The following CD44 variants were observed in gnomAD, a reference collection of about 807,000 sequenced individuals.
The protein encoded by CD44 is CD44 antigen.
Under a neutral mutation model 88.8 loss-of-function variants are expected in CD44, and 49 were observed. The observed-to-expected ratio is 0.55, with a 90% CI of 0.44 to 0.70. The LOEUF is 0.70. Ranked by LOEUF, CD44 falls within the 30% of genes least tolerant of loss-of-function variation. The pLI, the probability that CD44 is intolerant of heterozygous loss-of-function variation, is 0.00. For synonymous variants in CD44, 325 were observed against 312.3 expected (o/e 1.04, Z -0.43); for missense variants, 883 against 913.8 (o/e 0.97, Z 0.43).
At chr11:35,152,639 C>T (rs1860563814) in intron 1 of CD44, among the ~76,000 whole-genome samples, 1 of 152,170 alleles carries the variant, frequency 6.6e-6, no homozygotes, top group Admixed American at 6.5e-5. Context: ...ATAACTTTCG[C>T]CTCTATCTAT....
intron 5 of CD44, 66 bp downstream of exon 5, chr11:35,190,131 G>A: frequency 1.5e-6 from 2 of 1,350,882 alleles, no homozygotes; most frequent in Non-Finnish European, 2.1e-6. Flanking sequence ...TGACCTTCCT[G>A]AGCATTGCAC....
chr11:35,186,245 C>A (rs1258793678), intron 3 of CD44, among the ~76,000 whole-genome samples: 1 of 152,070 alleles, frequency 6.6e-6, no homozygotes, highest in Non-Finnish European at 1.5e-5. Context: ...ACTAGAGATT[C>A]ATTTGGTTTT....
intron 1 of CD44, among the ~76,000 whole-genome samples, chr11:35,160,191 A>G (rs554199988): frequency 1.3e-5 from 2 of 152,232 alleles, no homozygotes; most frequent in Non-Finnish European, 2.9e-5. Flanking sequence ...AATTGGCCCA[A>G]GATGCTGAAA....
chr11:35,222,418 C>T (rs532590448), intron 17 of CD44: 12 of 1,295,332 alleles, frequency 9.3e-6, no homozygotes, highest in African/African-American at 3.1e-5. Flanking sequence ...ACTGTTTCAT[C>T]GTCTTCTTGC....
In CD44 at chr11:35,182,008, T is replaced by TAAATA. The variant is rs1565081861; in HGVS notation, c.367+1601_367+1602insAAATA. On this transcript the variant is annotated intron_variant, in intron 3 of 17. Coordinates refer to ENST00000428726, the MANE Select transcript of CD44 (RefSeq NM_000610.4). ...ATATATAAATTTATATTTATATATA[T>TAAATA]GTATATATGTATATATAAATATATA... Among the ~76,000 whole-genome samples the TAAATA allele has an allele frequency of 3.0e-3, 334 of 109,964 alleles. 9 individuals carry two copies. The highest frequency in any genetic ancestry group is 0.014 in the Admixed American group (102 of 7,116). The allele number at this position is 109,964 out of a possible 152,430, so 72.1% of individuals were successfully genotyped here. A position where few individuals can be genotyped will look rare whatever the true frequency, so the allele number is the denominator to read the frequency against.
intron 3 of CD44, 75 bp downstream of exon 3, chr11:35,180,482 G>T: frequency 1.3e-6 from 2 of 1,497,342 alleles, no homozygotes; most frequent in Non-Finnish European, 1.9e-6. Context: ...CTTAAGTGGG[G>T]ATTCATGTAG....
intron 5 of CD44, among the ~76,000 whole-genome samples, 174 bp from the exon 6 acceptor site, chr11:35,196,572 A>G (rs1012531762): frequency 6.6e-6 from 1 of 152,168 alleles, no homozygotes; most frequent in African/African-American, 2.4e-5. Flanking sequence ...TATAAACTTC[A>G]GTTTGAGTCT....
chr11:35,204,834 C>G, intron 10 of CD44, 194 bp downstream of exon 10: 1 of 530,112 alleles, frequency 1.9e-6, no homozygotes, highest in Non-Finnish European at 3.4e-6. Context: ...GGAATGGATA[C>G]AAGCCAGTTA....
chr11:35,172,198 T>C (rs1943986523), intron 1 of CD44, among the ~76,000 whole-genome samples: 1 of 152,224 alleles, frequency 6.6e-6, no homozygotes, highest in African/African-American at 2.4e-5. Context: ...CTGGACCACT[T>C]CCACCTCTTG....
intron 7 of CD44, among the ~76,000 whole-genome samples, 198 bp from the exon 8 acceptor site, chr11:35,200,884 G>A (rs957845815): frequency 6.6e-6 from 1 of 152,114 alleles, no homozygotes; most frequent in Non-Finnish European, 1.5e-5. Context: ...GAATGCAAAG[G>A]ACACTGAGAT....
intron 1 of CD44, among the ~76,000 whole-genome samples, chr11:35,152,016 G>A (rs1239502320): frequency 6.6e-6 from 1 of 152,220 alleles, no homozygotes; most frequent in Non-Finnish European, 1.5e-5. Flanking sequence ...CTCACCCGTG[G>A]TGGCGACAGG....
intron 16 of CD44, among the ~76,000 whole-genome samples, chr11:35,221,223 CA>C (rs1202053220): frequency 1.3e-5 from 2 of 152,152 alleles, no homozygotes; most frequent in African/African-American, 4.8e-5. Context: ...TTTATTTAAC[CA>C]ATCCTTTATT....
intron 1 of CD44, among the ~76,000 whole-genome samples, chr11:35,149,763 A>G (rs1358190818): frequency 1.3e-5 from 2 of 152,206 alleles, no homozygotes; most frequent in East Asian, 1.9e-4. Context: ...AAACCACCAT[A>G]AGGCAGTGTC....
rs1227181195 is a variant in CD44 at position 35,198,111 on chromosome 11, A to G, written c.797-10A>G. On this transcript the variant is annotated splice_polypyrimidine_tract_variant and intron_variant, in intron 6 of 17. Coordinates refer to ENST00000428726, the MANE Select transcript of CD44 (RefSeq NM_000610.4). ...TCCAGCTCAGCCACTAATGCAAGTC[A>G]CCACAACAGGTACGTCTTCAAATAC... is the stretch of plus-strand genomic sequence containing the variant. The G allele has an allele frequency of 1.2e-6, 2 of 1,612,298 alleles. No homozygotes were observed. Among genetic ancestry groups the G allele is most frequent in the South Asian group, 2.2e-5 (2 of 90,950 alleles).
intron 1 of CD44, among the ~76,000 whole-genome samples, chr11:35,153,104 G>A (rs1341295774): frequency 6.6e-6 from 1 of 152,166 alleles, no homozygotes; most frequent in Non-Finnish European, 1.5e-5. Context: ...AAGCCTCAAG[G>A]GCTGCAAGTG....
chr11:35,145,632 C>T (rs748497115), intron 1 of CD44, among the ~76,000 whole-genome samples: 1 of 152,152 alleles, frequency 6.6e-6, no homozygotes. Flanking sequence ...AACAAAAACA[C>T]TCCCCAGCAG....
At chr11:35,149,674 C>A (rs1859933139) in intron 1 of CD44, among the ~76,000 whole-genome samples, 1 of 152,226 alleles carries the variant, frequency 6.6e-6, no homozygotes, top group South Asian at 2.1e-4. Flanking sequence ...CCTTTCCAGG[C>A]CTCATGTTCT....
chr11:35,222,590 T>TTA (rs1949393143), intron 17 of CD44: 2 of 718,512 alleles, frequency 2.8e-6, no homozygotes, highest in Non-Finnish European at 1.7e-6. Context: ...TATTTACATT[T>TTA]TATATATAAT....
intron 17 of CD44, among the ~76,000 whole-genome samples, chr11:35,228,491 C>G (rs1472324079): frequency 6.6e-6 from 1 of 152,208 alleles, no homozygotes; most frequent in African/African-American, 2.4e-5. Flanking sequence ...TTACAATCAT[C>G]ATGTTGATGG....
Sources: gnomAD v4.1 joint callset for allele counts (sites outside exome capture counted in the v4.1 genomes callset) on GRCh38, gnomAD v4.1.1 for gene constraint, MANE v1.5 for transcripts, NCBI Gene and HGNC (gene_info 2026-07-23, HGNC 2026-07-21) for gene names.